ABCB7: variants seen among roughly 807,000 people sequenced by gnomAD.
ABCB7 encodes the protein ATP binding cassette subfamily B member 7.
A neutral mutation model predicts 54.4 loss-of-function variants in ABCB7; 7 were observed. The ratio of observed to expected loss-of-function variants is 0.13; its 90% CI spans 0.07 to 0.24. The LOEUF is 0.24. Among genes scored for constraint, ABCB7 ranks in the 10% least tolerant of loss-of-function variants. ABCB7 has a pLI of 1.00. For missense variants in ABCB7, 356 were observed against 570.4 expected (o/e 0.62, Z 3.83); for synonymous variants, 218 against 207.1 (o/e 1.05, Z -0.45).
intron 3 of ABCB7, among the ~76,000 whole-genome samples, chrX:75,107,581 AT>A: frequency 9.0e-6 from 1 of 111,613 alleles, no homozygotes; most frequent in East Asian, 2.9e-4. Context: ...TCCTGGACCC[AT>A]TTCCAGACAC....
At position 75,114,805 on chromosome X, in the gene ABCB7, T is replaced by C. The variant is rs774151733; in HGVS notation, c.195A>G (p.Thr65=). The C allele has an allele frequency of 1.7e-5, 20 of 1,199,025 alleles. No individual in the cohort carries two copies. In the Admixed American group the frequency reaches 3.5e-4, roughly 21 times the overall value. The stretch of plus-strand genomic sequence containing the variant: ...AATTGCCTTTTCCCAATCTCTGCCA[T>C]GTGATACTTTTTAATGACTCTGGAA... ...YQIPESLKSI[T]WQRLGKGNSG... The change falls in exon 2 of 16, where the codon ACA becomes ACG. Residue 65 remains threonine (T), a synonymous_variant. Transcript: ENST00000373394.
intron 4 of ABCB7, among the ~76,000 whole-genome samples, chrX:75,094,575 T>C (rs1381962315): frequency 4.5e-5 from 5 of 110,676 alleles, no homozygotes; most frequent in Non-Finnish European, 9.4e-5. Flanking sequence ...TAGACGGGCA[T>C]GGTGGCATGC....
intron 1 of ABCB7, among the ~76,000 whole-genome samples, chrX:75,128,410 A>C (rs1420900099): frequency 9.0e-6 from 1 of 111,653 alleles, no homozygotes; most frequent in Admixed American, 9.5e-5. Context: ...AGAAAACTGA[A>C]ACTGGACCAC....
At chrX:75,131,091 AAAAC>A (rs2081970627) in intron 1 of ABCB7, among the ~76,000 whole-genome samples, 1 of 110,830 alleles carries the variant, frequency 9.0e-6, no homozygotes, top group Admixed American at 9.7e-5. Flanking sequence ...AATCTCAAAA[AAAAC>A]AAATAACTAA....
intron 6 of ABCB7, among the ~76,000 whole-genome samples, chrX:75,074,995 CAG>C (rs944925570): frequency 5.4e-4 from 59 of 109,082 alleles, no homozygotes; most frequent in Middle Eastern, 9.3e-3. Context: ...AAAGTTGAAA[CAG>C]AGAAAAAAAA....
In ABCB7 at chrX:75,117,129, G is replaced by T. The variant is rs151174279; in HGVS notation, c.169-2298C>A. Among the ~76,000 whole-genome samples, 207 of 110,969 alleles carry T rather than the reference G, an allele frequency of 1.9e-3. 1 individual carries two copies. Among genetic ancestry groups the T allele is most frequent in the African/African-American group, 5.8e-3 (176 of 30,497 alleles). The stretch of plus-strand genomic sequence containing the variant: ...TAAACTTGCTTTCCCTTTTCTCTAA[G>T]GACTTGCCCTGAATTCTTTCTTGCA... On this transcript the variant is annotated intron_variant, in intron 1 of 15. Transcript: ENST00000373394.
intron 4 of ABCB7, among the ~76,000 whole-genome samples, chrX:75,091,031 C>G (rs1373245592): frequency 9.0e-6 from 1 of 111,289 alleles, no homozygotes; most frequent in Non-Finnish European, 1.9e-5. Flanking sequence ...ATTTTACTAA[C>G]TACTTAAAGA....
At chrX:75,124,986 C>G (rs1023529984) in intron 1 of ABCB7, among the ~76,000 whole-genome samples, 4 of 112,050 alleles carry the variant, frequency 3.6e-5, no homozygotes, top group African/African-American at 1.3e-4. Context: ...AGAGAACCCT[C>G]AAGCACATTT....
intron 4 of ABCB7, among the ~76,000 whole-genome samples, chrX:75,083,612 G>C (rs777066326): frequency 1.0e-5 from 1 of 99,516 alleles, no homozygotes; most frequent in East Asian, 2.8e-4. Context: ...TATATGCAGA[G>C]GCAAAAAAAA....
chrX:75,130,585 G>A (rs1404254075), intron 1 of ABCB7, among the ~76,000 whole-genome samples: 1 of 111,754 alleles, frequency 8.9e-6, no homozygotes, highest in Non-Finnish European at 1.9e-5. Context: ...GACTTGTCTG[G>A]CAGCTCCCTG....
rs2081534626 is a variant in ABCB7, at chrX:75,090,377, A to G, written c.453+8565T>C. 2.7e-5 allele frequency among the ~76,000 whole-genome samples: 3 copies of G among 111,165 alleles called. No individual in the cohort carries two copies. The South Asian group carries it at 1.1e-3, about 42-fold the overall frequency. ...GTAGGCATATCCCAATGATTAAACA[A>G]CATGCTTTTAAATAACACATGGGTC... On this transcript the variant is annotated intron_variant, in intron 4 of 15. Transcript: ENST00000373394.
intron 1 of ABCB7, among the ~76,000 whole-genome samples, chrX:75,146,279 CA>C (rs2082090150): frequency 8.9e-6 from 1 of 111,976 alleles, no homozygotes; most frequent in African/African-American, 3.2e-5. Flanking sequence ...TATTAAATGT[CA>C]ATGGTAATTG....
intron 4 of ABCB7, among the ~76,000 whole-genome samples, chrX:75,084,956 T>C (rs2081485230): frequency 8.9e-6 from 1 of 112,158 alleles, no homozygotes; most frequent in South Asian, 3.7e-4. Flanking sequence ...TACCAAGTGT[T>C]GACAAAGAAG....
At chrX:75,115,204 G>C (rs1168020199) in intron 1 of ABCB7, among the ~76,000 whole-genome samples, 2 of 96,117 alleles carry the variant, frequency 2.1e-5, no homozygotes, top group Non-Finnish European at 4.1e-5. Flanking sequence ...GGAGGTGGAG[G>C]CTGCAGTGAG....
chrX:75,115,410 CTTTTTTTTTTT>C (rs747398607), intron 1 of ABCB7, among the ~76,000 whole-genome samples: 7 of 30,179 alleles, frequency 2.3e-4, no homozygotes, highest in Admixed American at 7.8e-4. Context: ...TGTCTCTTTT[CTTTTTTTTTTT>C]TTTTTTTTTT....
chrX:75,072,730 T>A (rs1019977863), intron 8 of ABCB7, among the ~76,000 whole-genome samples: 1 of 111,382 alleles, frequency 9.0e-6, no homozygotes, highest in African/African-American at 3.3e-5. Flanking sequence ...ATGCTCAGGC[T>A]ACACTAAATT....
At chrX:75,143,005 T>C (rs2082065301) in intron 1 of ABCB7, among the ~76,000 whole-genome samples, 1 of 112,479 alleles carries the variant, frequency 8.9e-6, no homozygotes, top group Non-Finnish European at 1.9e-5. Context: ...TGTTTTTACA[T>C]ATATGACCAT....
intron 1 of ABCB7, among the ~76,000 whole-genome samples, chrX:75,144,349 A>C (rs565087798): frequency 4.5e-5 from 5 of 111,946 alleles, no homozygotes; most frequent in African/African-American, 1.3e-4. Flanking sequence ...GAGCACTTGA[A>C]TTATGTCTAG....
chrX:75,108,288 A>G (rs2081723066), intron 3 of ABCB7, among the ~76,000 whole-genome samples: 1 of 111,272 alleles, frequency 9.0e-6, no homozygotes, highest in Non-Finnish European at 1.9e-5. Flanking sequence ...CCCAGAGAGG[A>G]GGAACGTGGG....
Sources: allele counts gnomAD v4.1 joint callset (sites outside exome capture counted in the v4.1 genomes callset), GRCh38; gene constraint gnomAD v4.1.1; transcripts MANE v1.5; gene names NCBI Gene and HGNC (gene_info 2026-07-23, HGNC 2026-07-21).